Variants in CRYBA4 observed in about 807,000 individuals in gnomAD.
The protein encoded by CRYBA4 is beta-crystallin A4.
Under a neutral mutation model 31.7 loss-of-function variants are expected in CRYBA4, and 30 were observed. The ratio of observed to expected loss-of-function variants is 0.95; its 90% confidence interval spans 0.71 to 1.28. CRYBA4 has a LOEUF of 1.28. CRYBA4 is among the 50% of genes most tolerant of loss of function. The probability of loss-of-function intolerance (pLI) is 0.00; values close to 1 mark genes in which losing one functional copy is unlikely to be tolerated. For missense variants in CRYBA4, 225 were observed against 260.7 expected (o/e 0.86, Z 0.94); for synonymous variants, 102 against 102.3 (o/e 1.00, Z 0.02).
In CRYBA4 at chr22:26,628,447, C is replaced by T. The variant is rs1929818738; in HGVS notation, c.443+17C>T. The T allele has an allele frequency of 1.9e-6, 3 of 1,613,150 alleles. No homozygotes were observed. The highest frequency in any genetic ancestry group is 1.3e-5 in the African/African-American group (1 of 74,884). On this transcript the variant is annotated intron_variant, in intron 5 of 5. Transcript: ENST00000354760. The stretch of plus-strand genomic sequence containing the variant: ...CTCTGGGGCGTAAGTGTATTCAAGG[C>T]TCTACCTGGCAGGGGAGGGGCTACT...
intron 4 of CRYBA4, among the ~76,000 whole-genome samples, chr22:26,627,424 CTTTT>C (rs376905688): frequency 6.3e-5 from 4 of 63,016 alleles, no homozygotes; most frequent in Non-Finnish European, 1.0e-4. Context: ...TTCTTTCTTT[CTTTT>C]TCTTTCTTTC....
chr22:26,618,576 T>C (rs1010315647), upstream of CRYBA4, among the ~76,000 whole-genome samples: 3 of 152,188 alleles, frequency 2.0e-5, no homozygotes, highest in Non-Finnish European at 4.4e-5. Context: ...GCCGAACCCG[T>C]GTTATCTCGG....
chr22:26,614,794 C>T, the CRYBA4 span, among the ~76,000 whole-genome samples: 12 of 152,028 alleles, frequency 7.9e-5, no homozygotes, highest in Admixed American at 7.9e-4. Flanking sequence ...GATAATATGG[C>T]AAAACCCGTC....
chr22:26,609,629 T>G, the CRYBA4 span, among the ~76,000 whole-genome samples: 1 of 152,084 alleles, frequency 6.6e-6, no homozygotes, highest in Non-Finnish European at 1.5e-5. Context: ...AATGGATGTA[T>G]GTATGGATAG....
chr22:26,599,632 T>C, the CRYBA4 span: 2 of 1,614,120 alleles, frequency 1.2e-6, no homozygotes, highest in Non-Finnish European at 1.7e-6. Flanking sequence ...CTCTAGGAGG[T>C]ACTGGTACCC....
At chr22:26,597,803 C>A in the CRYBA4 span, among the ~76,000 whole-genome samples, 1 of 152,180 alleles carries the variant, frequency 6.6e-6, no homozygotes, top group East Asian at 1.9e-4. Flanking sequence ...CTCTTTTCAA[C>A]CTTTATTGAT....
At chr22:26,624,770 C>T (rs1027586298) in intron 3 of CRYBA4, among the ~76,000 whole-genome samples, 3 of 152,174 alleles carry the variant, frequency 2.0e-5, no homozygotes, top group African/African-American at 7.2e-5. Context: ...TCCTACTGGA[C>T]GACACCAAAA....
the CRYBA4 span, among the ~76,000 whole-genome samples, chr22:26,604,654 G>A: frequency 6.6e-6 from 1 of 152,246 alleles, no homozygotes; most frequent in African/African-American, 2.4e-5. Flanking sequence ...ATAGGCAAAA[G>A]CTGGGAGGTG....
the CRYBA4 span, among the ~76,000 whole-genome samples, chr22:26,606,684 T>C: frequency 0.033 from 5,079 of 152,338 alleles, 209 homozygotes; most frequent in East Asian, 0.17. Context: ...TCTGTTTGAA[T>C]AATCCATTAA....
the CRYBA4 span, chr22:26,616,473 GT>G: frequency 3.0e-6 from 2 of 674,668 alleles, no homozygotes; most frequent in South Asian, 1.7e-5. Context: ...AAGCCTGGAA[GT>G]TTTTCTTTCA....
Position 26,628,372 on chromosome 22 carries a change from C to G in CRYBA4, c.385C>G (p.Leu129Val). The change falls in exon 5 of 6, where the codon CTC becomes GTC. Residue 129 changes from leucine (L) to valine (V), a missense_variant. By Grantham distance (32) the Leu-to-Val change is conservative. Coordinates refer to ENST00000354760, the MANE Select transcript of CRYBA4 (RefSeq NM_001886.3). ...AGAGCTGAGCGATGACTATCCTTCCCTCCAGGCCATGGGATGGGAAGGCAA... is the reference window on the plus strand; with the variant it reads ...AGAGCTGAGCGATGACTATCCTTCCGTCCAGGCCATGGGATGGGAAGGCAA... ...KGELSDDYPS[L>V]QAMGWEGNEV... 3 of 1,614,088 alleles carry G rather than the reference C, an allele frequency of 1.9e-6. No homozygotes were observed. In the East Asian group the frequency reaches 6.7e-5, roughly 36 times the overall value.
chr22:26,630,490 A>G lies in CRYBA4; in HGVS notation c.*3A>G. 2 of 1,612,868 alleles carry G rather than the reference A, an allele frequency of 1.2e-6. No homozygotes were observed. The highest frequency in any genetic ancestry group is 1.3e-5 in the African/African-American group (1 of 75,068). ...GCATCCGCAGGATCCAGCAGTGAACAGGGGTGCGGCACGGAGGAGCGCATG... is the reference window on the plus strand; with the variant it reads ...GCATCCGCAGGATCCAGCAGTGAACGGGGGTGCGGCACGGAGGAGCGCATG... On this transcript the variant is annotated 3_prime_UTR_variant, in exon 6 of 6. Transcript: ENST00000354760.
rs1379041669 is a variant in CRYBA4 at position 26,624,469 on chromosome 22, G to A, written c.159-1012G>A. Among the ~76,000 whole-genome samples, 6 of 152,260 alleles carry A rather than the reference G, an allele frequency of 3.9e-5. No homozygotes were observed. The East Asian group carries it at 1.2e-3, about 29-fold the overall frequency. On this transcript the variant is annotated intron_variant, in intron 3 of 5. Coordinates refer to ENST00000354760, the MANE Select transcript of CRYBA4 (RefSeq NM_001886.3). ...CTACCATATTGGATAGAAGGTTGTA[G>A]AAGTTTGGAAAGTAGATAGGAGATT...
At position 26,628,238 on chromosome 22, in the gene CRYBA4, G is replaced by T; in HGVS notation, c.301-50G>T. 5 of 1,613,332 alleles carry T rather than the reference G, an allele frequency of 3.1e-6. No homozygotes were observed. In the South Asian group the frequency reaches 5.5e-5, roughly 18 times the overall value. ...GTGTGGAGGCCAGGAGAGGCTCCTG[G>T]GTTTCCAACTGGGAGCCTGCTGGTC... On this transcript the variant is annotated intron_variant, in intron 4 of 5. Transcript: ENST00000354760.
At chr22:26,621,087 T>G (rs1367787672), upstream of CRYBA4, among the ~76,000 whole-genome samples, 1 of 152,166 alleles carries the variant, frequency 6.6e-6, no homozygotes, top group Non-Finnish European at 1.5e-5. Context: ...AGGGACCTCT[T>G]AGGTCCCTCA....
chr22:26,595,476 G>T, the CRYBA4 span, among the ~76,000 whole-genome samples: 1 of 151,974 alleles, frequency 6.6e-6, no homozygotes, highest in South Asian at 2.1e-4. Flanking sequence ...CTACTCGGGA[G>T]GCTGAGGCAG....
chr22:26,628,480 G>A (rs1929819984), intron 5 of CRYBA4, 50 bp downstream of exon 5: 3 of 1,605,916 alleles, frequency 1.9e-6, no homozygotes, highest in Admixed American at 1.7e-5. Flanking sequence ...ACTGGGAGGG[G>A]TAGGTGTACC....
chr22:26,614,930 A>T, the CRYBA4 span, among the ~76,000 whole-genome samples: 35 of 152,304 alleles, frequency 2.3e-4, no homozygotes, highest in Non-Finnish European at 3.5e-4. Context: ...AGCAGATTAC[A>T]GACACAGGTT....
In CRYBA4 at chr22:26,628,503, T is replaced by G; in HGVS notation, c.443+73T>G. 1.9e-6 allele frequency: 3 copies of G among 1,575,264 alleles called. No homozygotes were observed. The South Asian group carries it at 3.4e-5, about 18-fold the overall frequency. On this transcript the variant is annotated intron_variant, in intron 5 of 5. Transcript: ENST00000354760. ...GGGTAGGTGTACCTCCTGTGAAAAC[T>G]GTGTGCTGGGGACTTTTGTGCTCTG...
Sources: allele counts gnomAD v4.1 joint callset (sites outside exome capture counted in the v4.1 genomes callset), GRCh38; gene constraint gnomAD v4.1.1; transcripts MANE v1.5; gene names NCBI Gene and HGNC (gene_info 2026-07-23, HGNC 2026-07-21).